Variants in WRAP53 observed in about 807,000 individuals in gnomAD.
WRAP53 encodes the protein WD repeat containing antisense to TP53.
A neutral mutation model predicts 56.6 loss-of-function variants in WRAP53; 28 were observed. The ratio of observed to expected loss-of-function variants is 0.50; its 90% CI spans 0.37 to 0.68. The LOEUF (loss-of-function observed/expected upper bound fraction) is 0.68, where lower values mean the gene tolerates loss of function less well. Ranked by LOEUF, WRAP53 falls within the 30% of genes least tolerant of loss-of-function variation. WRAP53 has a pLI of 0.00. For synonymous variants in WRAP53, 283 were observed against 283.4 expected (o/e 1.00, Z 0.01); for missense variants, 671 against 715.5 (o/e 0.94, Z 0.71).
At chr17:7,699,502 T>TATATATATATTTA (rs1567577549) in intron 4 of WRAP53, among the ~76,000 whole-genome samples, 2 of 11,764 alleles carry the variant, frequency 1.7e-4, no homozygotes, top group Admixed American at 1.5e-3. Flanking sequence ...ATATATATAT[T>TATATATATATTTA]TATATATATA....
intron 4 of WRAP53, among the ~76,000 whole-genome samples, chr17:7,699,476 T>TTTTATATATA (rs1491298527): frequency 8.8e-5 from 1 of 11,400 alleles, no homozygotes; most frequent in Non-Finnish European, 1.3e-4. Context: ...ATATATATAT[T>TTTTATATATA]TATATATATA....
upstream of WRAP53, chr17:7,686,357 G>A (rs1208152626): frequency 6.6e-6 from 1 of 151,520 alleles, no homozygotes; most frequent in Admixed American, 6.6e-5. Context: ...AAATACCTCC[G>A]GGCTTGCCTT....
At chr17:7,697,913 G>A (rs1031185648) in intron 4 of WRAP53, among the ~76,000 whole-genome samples, 20 of 150,438 alleles carry the variant, frequency 1.3e-4, no homozygotes, top group African/African-American at 4.7e-4. Context: ...TGTTGCCCAG[G>A]CTGGAGTGCA....
At position 7,688,690 on chromosome 17, in the gene WRAP53, T is replaced by C; in HGVS notation, c.42T>C (p.Cys14=). ...LETQPLAPDC[C]PSDQDPAPAH... is the part of the protein sequence containing the mutation. The stretch of plus-strand genomic sequence containing the variant: ...CTCAACCGTTAGCTCCGGACTGCTG[T>C]CCTTCAGACCAGGACCCAGCTCCAG... Residue 14 remains cysteine, a synonymous_variant, in exon 2 of 11, where the codon TGT becomes TGC. Coordinates refer to ENST00000396463, the MANE Select transcript of WRAP53 (RefSeq NM_001143992.2). The C allele has an allele frequency of 6.2e-7, 1 of 1,614,176 alleles. No individual in the cohort carries two copies. The highest frequency in any genetic ancestry group is 1.1e-5 in the South Asian group (1 of 91,082).
upstream of WRAP53, chr17:7,687,459 T>C (rs17884410): frequency 5.0e-5 from 20 of 398,598 alleles, no homozygotes; most frequent in African/African-American, 3.7e-4. Flanking sequence ...AGCAGCTACC[T>C]GCTCCCTGGA....
chr17:7,703,144 C>T lies in WRAP53; in HGVS notation c.1403+17C>T. Reference sequence around the variant, plus strand: ...TGGCGTGAGGTCCTCAGTTCAATTCCAGAGATGTTGGGGCTTGGGTTGGGG... The same window carrying T: ...TGGCGTGAGGTCCTCAGTTCAATTCTAGAGATGTTGGGGCTTGGGTTGGGG... On this transcript the variant is annotated intron_variant, in intron 10 of 10. Transcript: ENST00000396463. The T allele has an allele frequency of 6.2e-7, 1 of 1,613,978 alleles. No homozygotes were observed. Among genetic ancestry groups the T allele is most frequent in the Non-Finnish European group, 8.5e-7 (1 of 1,180,010 alleles).
chr17:7,687,237 G>A (rs1432849682), upstream of WRAP53: 3 of 397,786 alleles, frequency 7.5e-6, no homozygotes, highest in Non-Finnish European at 1.3e-5. Flanking sequence ...CTCTAGCCAA[G>A]CTTCCATCCC....
rs577174128 is a variant in WRAP53, at chr17:7,696,045, A to G, written c.643-4696A>G. ...TGACGGAAGGGGAGTGAGGAGCACC[A>G]GGGGCTATAGGAAAGAGGAACAGGG... On this transcript the variant is annotated intron_variant, in intron 4 of 10. Transcript: ENST00000396463. Among the ~76,000 whole-genome samples, 58 of 152,230 alleles carry G rather than the reference A, an allele frequency of 3.8e-4. 1 individual carries two copies. In the South Asian group the frequency reaches 0.011, roughly 29 times the overall value.
chr17:7,689,001 C>A lies in WRAP53; in HGVS notation c.353C>A (p.Ala118Glu). ...AACGGGAGCCTTTCTGAAGAAGAAG[C>A]GAACGGGCCAGAGTTGGGGTCTGGA... ...EANGSLSEEE[A>E]NGPELGSGKA... Residue 118 changes from alanine (A) to glutamate (E), a missense_variant, in exon 2 of 11, where the codon GCG (alanine) becomes GAG (glutamate). By Grantham distance (107) the Ala-to-Glu change is moderately radical. This residue lies in a region of WRAP53 where 406 missense variants were observed against 418.5 expected (regional missense o/e 0.97). Coordinates refer to ENST00000396463, the MANE Select transcript of WRAP53 (RefSeq NM_001143992.2). 1 of 1,614,118 alleles carries A rather than the reference C, an allele frequency of 6.2e-7. No homozygotes were observed.
At chr17:7,698,243 G>T (rs1412848809) in intron 4 of WRAP53, among the ~76,000 whole-genome samples, 2 of 152,214 alleles carry the variant, frequency 1.3e-5, no homozygotes, top group African/African-American at 4.8e-5. Flanking sequence ...TTCTACATGT[G>T]TACAGAATGT....
Position 7,702,166 on chromosome 17 carries a change from C to T in WRAP53, c.956-178C>T. ...TGAAGTGGGGCTTGGGCATTTAGGTCCTTTGGGAGGATAGATGTGGGGAGC... is the reference window on the plus strand; with the variant it reads ...TGAAGTGGGGCTTGGGCATTTAGGTTCTTTGGGAGGATAGATGTGGGGAGC... On this transcript the variant is annotated intron_variant, in intron 7 of 10. Coordinates refer to ENST00000396463, the MANE Select transcript of WRAP53 (RefSeq NM_001143992.2). This position sits in a 1 kb window ranked among gnomAD's most constrained non-coding sequence, Gnocchi z 5.0. The T allele has an allele frequency of 1.3e-6, 1 of 742,770 alleles. No individual in the cohort carries two copies. The highest frequency in any genetic ancestry group is 2.3e-6 in the Non-Finnish European group (1 of 435,302). 46.0% of individuals were successfully genotyped at this position (742,770 alleles called of 1,614,324 possible).
At chr17:7,694,855 CTTTTT>C (rs35283667) in intron 4 of WRAP53, among the ~76,000 whole-genome samples, 4 of 136,892 alleles carry the variant, frequency 2.9e-5, no homozygotes, top group African/African-American at 1.1e-4. Context: ...CCTTTTTGTG[CTTTTT>C]TTTTTTTTTT....
chr17:7,690,808 T>A (rs964655306), intron 4 of WRAP53, among the ~76,000 whole-genome samples: 1 of 151,468 alleles, frequency 6.6e-6, no homozygotes, highest in African/African-American at 2.4e-5. Context: ...GCTACTTGTG[T>A]GGCTGAGGCA....
chr17:7,687,681 C>T, upstream of WRAP53: 2 of 398,196 alleles, frequency 5.0e-6, no homozygotes, highest in Non-Finnish European at 8.8e-6. Flanking sequence ...TCTCGCCGAC[C>T]TGGTGCCGTA....
chr17:7,699,522 T>TATATATATATTTATATATATATATA (rs1567577715), intron 4 of WRAP53, among the ~76,000 whole-genome samples: 1 of 14,110 alleles, frequency 7.1e-5, no homozygotes. Flanking sequence ...ATATATATAT[T>TATATATATATTTATATATATATATA]TATATATATA....
intron 4 of WRAP53, among the ~76,000 whole-genome samples, chr17:7,697,590 C>T (rs1343265782): frequency 6.8e-6 from 1 of 147,810 alleles, no homozygotes; most frequent in Non-Finnish European, 1.5e-5. Flanking sequence ...ACCCAGGAGG[C>T]AGAGGTTGTA....
In WRAP53 at chr17:7,701,847, G is replaced by A. The variant is rs139650717; in HGVS notation, c.955+58G>A. Reference sequence around the variant, plus strand: ...GGGAAGGGCACTGCCACCTGCACAGGGGCCTTTTGTGAGCCGGGGGCCACC... The same window carrying A: ...GGGAAGGGCACTGCCACCTGCACAGAGGCCTTTTGTGAGCCGGGGGCCACC... On this transcript the variant is annotated intron_variant, in intron 7 of 10. Transcript: ENST00000396463. This position sits in a 1 kb window ranked among gnomAD's most constrained non-coding sequence, Gnocchi z 4.2. 4,175 of 1,585,606 alleles carry A rather than the reference G, an allele frequency of 2.6e-3. 16 individuals carry two copies. Among genetic ancestry groups the A allele is most frequent in the South Asian group, 8.6e-3 (761 of 88,244 alleles).
chr17:7,701,736 G>T lies in WRAP53; in HGVS notation c.902G>T (p.Arg301Leu). The change falls in exon 7 of 11, where the codon CGT becomes CTT. Residue 301 changes from arginine to leucine, a missense_variant. This residue lies in a region of WRAP53 where 406 missense variants were observed against 418.5 expected (regional missense o/e 0.97). Coordinates refer to ENST00000396463, the MANE Select transcript of WRAP53 (RefSeq NM_001143992.2). This position sits in a 1 kb window ranked among gnomAD's most constrained non-coding sequence, Gnocchi z 4.2. ...QLFCGFNRTV[R>L]VFSTARPGRD... ...TTCTGTGGCTTCAACCGGACTGTGC[G>T]TGTTTTTTCCACGGCCCGGCCTGGC... 6.2e-7 allele frequency: 1 copy of T among 1,614,224 alleles called. No individual in the cohort carries two copies. Among genetic ancestry groups the T allele is most frequent in the Non-Finnish European group, 8.5e-7 (1 of 1,180,042 alleles).
intron 4 of WRAP53, among the ~76,000 whole-genome samples, chr17:7,699,466 ATATATATATT>A (rs1311319695): frequency 3.7e-4 from 8 of 21,536 alleles, no homozygotes; most frequent in African/African-American, 1.4e-3. Flanking sequence ...ATTTATATAT[ATATATATATT>A]TATATATATA....
Sources: gnomAD v4.1 joint callset for allele counts (sites outside exome capture counted in the v4.1 genomes callset) on GRCh38, gnomAD v4.1.1 for gene constraint, gnomAD v4.1.1 regional missense constraint, Gnocchi (gnomAD v3.1) non-coding constraint, MANE v1.5 for transcripts, NCBI Gene and HGNC (gene_info 2026-07-23, HGNC 2026-07-21) for gene names.